The following STK32B variants were observed in gnomAD, a reference collection of about 807,000 sequenced individuals.
The protein encoded by STK32B is serine/threonine kinase 32B, also known as serine/threonine-protein kinase 32B.
STK32B carries 43 observed loss-of-function variants against 52.6 expected under a neutral mutation model. The ratio of observed to expected loss-of-function variants is 0.82; its 90% CI spans 0.64 to 1.05. The LOEUF is 1.05. Among genes scored for constraint, STK32B ranks in the 50% least tolerant of loss-of-function variants. The pLI is 0.00. For missense variants in STK32B, 621 were observed against 534.6 expected (o/e 1.16, Z -1.59); for synonymous variants, 238 against 204.3 (o/e 1.17, Z -1.41).
intron 3 of STK32B, among the ~76,000 whole-genome samples, chr4:5,203,928 T>G (rs538902642): frequency 3.9e-5 from 6 of 152,304 alleles, no homozygotes; most frequent in Non-Finnish European, 5.9e-5. Flanking sequence ...GGCCCAGAAC[T>G]GTGAGAGCCC....
intron 4 of STK32B, among the ~76,000 whole-genome samples, chr4:5,359,769 G>T (rs1734426876): frequency 6.6e-6 from 1 of 152,148 alleles, no homozygotes; most frequent in Non-Finnish European, 1.5e-5. Context: ...AAGTGTGCTT[G>T]GTTGCCTCAG....
chr4:5,259,233 C>A (rs1726544175), intron 3 of STK32B, among the ~76,000 whole-genome samples: 1 of 152,186 alleles, frequency 6.6e-6, no homozygotes, highest in Non-Finnish European at 1.5e-5. Flanking sequence ...TATTTACTGG[C>A]TACCTCATTT....
intron 3 of STK32B, among the ~76,000 whole-genome samples, chr4:5,168,882 TCTCTATC>T (rs1347549117): frequency 6.6e-6 from 1 of 152,104 alleles, no homozygotes; most frequent in African/African-American, 2.4e-5. Flanking sequence ...AATTCGGAAT[TCTCTATC>T]CTGCCCCCAA....
intron 6 of STK32B, chr4:5,432,308 A>T (rs1255473513): frequency 6.6e-6 from 1 of 152,244 alleles, no homozygotes; most frequent in African/African-American, 2.4e-5. Context: ...ATCCCTTTGA[A>T]TCTGGAGCTG....
chr4:5,290,077 T>C (rs77496468), intron 3 of STK32B, among the ~76,000 whole-genome samples: 2,053 of 152,220 alleles, frequency 0.013, 25 homozygotes, highest in East Asian at 0.07. Flanking sequence ...AGGTACTATT[T>C]ATTTAGCTCC....
intron 6 of STK32B, among the ~76,000 whole-genome samples, chr4:5,420,206 G>T (rs1712506045): frequency 6.6e-6 from 1 of 152,118 alleles, no homozygotes; most frequent in Admixed American, 6.5e-5. Context: ...TCTCAACCTG[G>T]ACTCCCATGA....
At chr4:5,037,676 G>T in the STK32B span, among the ~76,000 whole-genome samples, 3 of 152,318 alleles carry the variant, frequency 2.0e-5, no homozygotes, top group South Asian at 6.2e-4. Flanking sequence ...TCCCGTCTGT[G>T]TTAAAGTTGG....
intron 3 of STK32B, among the ~76,000 whole-genome samples, chr4:5,297,286 T>C (rs1729264900): frequency 6.6e-6 from 1 of 152,194 alleles, no homozygotes; most frequent in African/African-American, 2.4e-5. Flanking sequence ...AGTATCTTAG[T>C]GGTGTTCTCT....
intron 3 of STK32B, among the ~76,000 whole-genome samples, chr4:5,322,266 G>A (rs1461483834): frequency 1.3e-5 from 2 of 152,182 alleles, no homozygotes; most frequent in African/African-American, 4.8e-5. Flanking sequence ...TACAATATGA[G>A]CTGTCAGAAG....
chr4:5,423,518 A>C (rs1712816646), intron 6 of STK32B, among the ~76,000 whole-genome samples: 1 of 152,220 alleles, frequency 6.6e-6, no homozygotes, highest in African/African-American at 2.4e-5. Context: ...ACCAGTAGCC[A>C]ATATTAATGT....
chr4:5,447,296 G>T (rs1466600213), intron 7 of STK32B: 3 of 153,090 alleles, frequency 2.0e-5, no homozygotes, highest in Non-Finnish European at 4.4e-5. Context: ...GGGGCTATTT[G>T]GTGGCTGTAA....
chr4:5,200,009 T>C (rs1378522750), intron 3 of STK32B, among the ~76,000 whole-genome samples: 1 of 152,216 alleles, frequency 6.6e-6, no homozygotes, highest in Non-Finnish European at 1.5e-5. Flanking sequence ...AGCGAGGTCA[T>C]GAGGTGCTGT....
At chr4:5,385,883 C>T (rs1268745620) in intron 4 of STK32B, among the ~76,000 whole-genome samples, 1 of 150,648 alleles carries the variant, frequency 6.6e-6, no homozygotes, top group African/African-American at 2.4e-5. Context: ...ACAACCTCAC[C>T]CACAGATCCA....
intron 1 of STK32B, among the ~76,000 whole-genome samples, chr4:5,122,397 T>C (rs1409678583): frequency 6.6e-6 from 1 of 151,436 alleles, no homozygotes; most frequent in Admixed American, 6.6e-5. Flanking sequence ...CACTCATTCA[T>C]TCACTCACTC....
chr4:5,246,788 A>G (rs1725482209), intron 3 of STK32B, among the ~76,000 whole-genome samples: 1 of 152,062 alleles, frequency 6.6e-6, no homozygotes, highest in Admixed American at 6.6e-5. Flanking sequence ...TTTTCCTTCT[A>G]ACAGTCAGGA....
chr4:5,496,115 A>C (rs1056504859), intron 11 of STK32B, among the ~76,000 whole-genome samples: 2 of 152,338 alleles, frequency 1.3e-5, no homozygotes, highest in East Asian at 3.9e-4. Flanking sequence ...AAGCTGTCAG[A>C]CAGGGACATT....
chr4:5,290,117 G>A (rs138690263), intron 3 of STK32B, among the ~76,000 whole-genome samples: 252 of 152,178 alleles, frequency 1.7e-3, no homozygotes, highest in Non-Finnish European at 2.8e-3. Flanking sequence ...GCAGTATATG[G>A]TATTCTGTTC....
chr4:5,243,867 A>G (rs1560253788), intron 3 of STK32B, among the ~76,000 whole-genome samples: 1 of 152,096 alleles, frequency 6.6e-6, no homozygotes, highest in Non-Finnish European at 1.5e-5. Flanking sequence ...TTCTGTTTAT[A>G]TGCTGGATTA....
chr4:5,277,817 G>A (rs1052618409), intron 3 of STK32B, among the ~76,000 whole-genome samples: 2 of 152,020 alleles, frequency 1.3e-5, no homozygotes, highest in Non-Finnish European at 2.9e-5. Flanking sequence ...ATATGTTCCT[G>A]GCAACCTATA....
Sources: allele counts gnomAD v4.1 joint callset (sites outside exome capture counted in the v4.1 genomes callset), GRCh38; gene constraint gnomAD v4.1.1; transcripts MANE v1.5; gene names NCBI Gene and HGNC (gene_info 2026-07-23, HGNC 2026-07-21).